Variants in LBP observed in about 807,000 individuals in gnomAD.
LBP encodes the protein lipopolysaccharide-binding protein.
A neutral mutation model predicts 56.6 loss-of-function variants in LBP; 53 were observed. The observed-to-expected ratio is 0.94, with a 90% confidence interval of 0.75 to 1.18. The LOEUF (loss-of-function observed/expected upper bound fraction) is 1.18. Ranked by LOEUF, LBP falls within the 50% of genes most tolerant of loss-of-function variation. The pLI, the probability that LBP is intolerant of heterozygous loss-of-function variation, is 0.00. For missense variants in LBP, 601 were observed against 598.3 expected, an observed-to-expected ratio of 1.00 and a Z score of -0.05; for synonymous variants, 227 against 247.5, an observed-to-expected ratio of 0.92 and a Z score of 0.78.
rs1326621621 is a variant in LBP, at chr20:38,352,038, T to TA, written c.368+1114dup. On this transcript the variant is annotated intron_variant, in intron 3 of 14. Coordinates refer to ENST00000217407, the MANE Select transcript of LBP (RefSeq NM_004139.5). ...GGGGGACAGAGCGAGACTCCATCTC[T>TA]AAAAAAAAAAAAAAAGAAAAAAGAA... is the stretch of plus-strand genomic sequence containing the variant. Among the ~76,000 whole-genome samples the TA allele has an allele frequency of 7.0e-3, 835 of 120,048 alleles. 5 individuals carry two copies. The highest frequency in any genetic ancestry group is 0.02 in the African/African-American group (652 of 32,222). 78.8% of individuals were successfully genotyped at this position (120,048 alleles called of 152,430 possible). A position where few individuals can be genotyped will look rare whatever the true frequency, so the allele number is the denominator to read the frequency against.
In LBP at chr20:38,349,652, G is replaced by A. The variant is rs751405961; in HGVS notation, c.229G>A (p.Glu77Lys). The A allele has an allele frequency of 1.2e-6, 2 of 1,602,920 alleles. No individual in the cohort carries two copies. The highest frequency in any genetic ancestry group is 2.2e-5 in the East Asian group (1 of 44,546). The change falls in exon 2 of 15, where the codon GAG (glutamate) becomes AAG (lysine). Residue 77 changes from glutamate (E) to lysine (K), a missense_variant. Glu to Lys is a moderately conservative substitution (Grantham distance 56, BLOSUM62 1). Transcript: ENST00000217407. ...RIPHVGRGRYEFHSLNIHSCE... is the reference protein window; with the variant it reads ...RIPHVGRGRYKFHSLNIHSCE... ...CCCCCACGTCGGCCGTGGGCGCTAT[G>A]AGTTCCACAGGTGGGGCTCTCCCTT...
chr20:38,366,661 G>C, intron 8 of LBP, 108 bp from the exon 9 acceptor site: 1 of 1,026,810 alleles, frequency 9.7e-7, no homozygotes, highest in Middle Eastern at 2.0e-4. Flanking sequence ...GGTAACCCAG[G>C]CTGTGGAGAA....
chr20:38,348,746 A>AAGTTTAGTTTAGTTTAGTTT (rs375624891), intron 1 of LBP, among the ~76,000 whole-genome samples: 187 of 137,140 alleles, frequency 1.4e-3, no homozygotes, highest in East Asian at 6.8e-3. Context: ...CCAATGAGGA[A>AAGTTTAGTTTAGTTTAGTTT]AGTTTAGTTT....
chr20:38,361,102 C>T (rs1404814896), intron 6 of LBP, among the ~76,000 whole-genome samples: 3 of 149,926 alleles, frequency 2.0e-5, no homozygotes, highest in African/African-American at 7.4e-5. Flanking sequence ...GTGGAGGTTG[C>T]AGTGAGCCAA....
intron 6 of LBP, among the ~76,000 whole-genome samples, chr20:38,363,732 G>GTGTGTGTT (rs1367363338): frequency 1.1e-4 from 16 of 152,128 alleles, no homozygotes; most frequent in African/African-American, 3.6e-4. Flanking sequence ...GTGTGTGTGT[G>GTGTGTGTT]TGTGTGCTTG....
rs545550026 is a variant in LBP at position 38,363,998 on chromosome 20, G to A, written c.676G>A (p.Ala226Thr). The A allele has an allele frequency of 3.0e-5, 48 of 1,613,600 alleles. No homozygotes were observed. Among genetic ancestry groups the A allele is most frequent in the Admixed American group, 5.0e-5 (3 of 59,974 alleles). The change falls in exon 7 of 15, where the codon GCC (alanine) becomes ACC (threonine). Residue 226 changes from alanine to threonine, a missense_variant. By Grantham distance (58) the Ala-to-Thr change is moderately conservative (BLOSUM62 0). Transcript: ENST00000217407. Reference sequence around the variant, plus strand: ...AGTTACAACAGAGATTGACAGTTTCGCCGACATTGATTATAGCTTAGTGGA... The same window carrying A: ...AGTTACAACAGAGATTGACAGTTTCACCGACATTGATTATAGCTTAGTGGA... The part of the protein sequence containing the change: ...LPVTTEIDSF[A>T]DIDYSLVEAP...
Position 38,373,997 on chromosome 20 carries a change from G to A in LBP, c.1385G>A (p.Gly462Glu). Residue 462 changes from glycine to glutamate, a missense_variant, in exon 14 of 15, where the codon GGG becomes GAG. Transcript: ENST00000217407. ...AAGCGTGTTCAGCTCTACGACCTTG[G>A]GCTGCAGATCCATAAGGTCGGTGGG... is the stretch of plus-strand genomic sequence containing the variant. ...LLKRVQLYDLGLQIHKDFLFL... is the reference protein window; with the variant it reads ...LLKRVQLYDLELQIHKDFLFL... The A allele has an allele frequency of 6.2e-7, 1 of 1,614,074 alleles. No individual in the cohort carries two copies. Among genetic ancestry groups the A allele is most frequent in the Non-Finnish European group, 8.5e-7 (1 of 1,179,966 alleles).
chr20:38,375,739 T>C (rs961360866), intron 14 of LBP, among the ~76,000 whole-genome samples: 1 of 152,164 alleles, frequency 6.6e-6, no homozygotes. Flanking sequence ...CAGGTTATCT[T>C]TTGAGGTGAG....
chr20:38,365,624 G>A lies in LBP; in HGVS notation c.921+872G>A, dbSNP rs1218658374. On this transcript the variant is annotated intron_variant, in intron 8 of 14. Coordinates refer to ENST00000217407, the MANE Select transcript of LBP (RefSeq NM_004139.5). ...AGGCAGGAGAATTGCTTGAGCCCAG[G>A]AGGCAGAGGTTGCAGTGAGCTGTGA... is the stretch of plus-strand genomic sequence containing the variant. Among the ~76,000 whole-genome samples the A allele has an allele frequency of 4.0e-5, 6 of 150,348 alleles. No homozygotes were observed. The East Asian group carries it at 1.2e-3, about 30-fold the overall frequency.
chr20:38,371,697 CA>C (rs1463265006), intron 12 of LBP, among the ~76,000 whole-genome samples: 2 of 152,188 alleles, frequency 1.3e-5, no homozygotes, highest in Non-Finnish European at 2.9e-5. Context: ...ATTAGTGCAT[CA>C]AGAATCTCTC....
chr20:38,363,349 T>A (rs1293885351), intron 6 of LBP, among the ~76,000 whole-genome samples: 1 of 152,202 alleles, frequency 6.6e-6, no homozygotes, highest in African/African-American at 2.4e-5. Context: ...AGTCCCCCAC[T>A]GATGGACATT....
At chr20:38,374,832 G>A in intron 14 of LBP, among the ~76,000 whole-genome samples, 1 of 142,370 alleles carries the variant, frequency 7.0e-6, no homozygotes, top group Non-Finnish European at 1.5e-5. Flanking sequence ...CACCCAGGCT[G>A]GAGTGCAGTG....
rs1229981292 is a variant in LBP at position 38,346,621 on chromosome 20, C to T, written c.105C>T (p.Thr35=). 8.1e-6 allele frequency: 13 copies of T among 1,613,526 alleles called. No homozygotes were observed. The Admixed American group carries it at 8.3e-5, about 10-fold the overall frequency. The change falls in exon 1 of 15, where the codon ACC becomes ACT. Residue 35 remains threonine, a synonymous_variant. Coordinates refer to ENST00000217407, the MANE Select transcript of LBP (RefSeq NM_004139.5). ...ACCCCGGCTTGGTCGCCAGGATCAC[C>T]GACAAGGGACTGCAGTATGGTAAGA... The part of the protein sequence containing the change: ...GANPGLVARI[T]DKGLQYAAQE...
chr20:38,371,161 C>T, intron 11 of LBP, 119 bp from the exon 12 acceptor site: 2 of 730,102 alleles, frequency 2.7e-6, no homozygotes, highest in East Asian at 2.5e-5. Context: ...CACTCCTGCT[C>T]CCGCCCTACC....
intron 11 of LBP, 21 bp downstream of exon 11, chr20:38,370,826 C>A: frequency 6.3e-7 from 1 of 1,596,380 alleles, no homozygotes; most frequent in Non-Finnish European, 8.6e-7. Flanking sequence ...CTCCTACCTA[C>A]ATGGGGGTGC....
At chr20:38,347,750 G>A (rs973364817) in intron 1 of LBP, among the ~76,000 whole-genome samples, 7 of 152,058 alleles carry the variant, frequency 4.6e-5, no homozygotes, top group Non-Finnish European at 8.8e-5. Flanking sequence ...TGCAGTTCCA[G>A]GACAAAAAGC....
rs184658969 is a variant in LBP at position 38,373,093 on chromosome 20, C to T, written c.1282C>T (p.Leu428Phe). The part of the protein sequence containing the change: ...LFNAELLEAL[L>F]NYYILNTFYP... ...CCAGGCAGAGCTGTTGGAAGCGCTC[C>T]TCAACTATTACATCCTTAACACCTT... The change falls in exon 13 of 15, where the codon CTC (leucine) becomes TTC (phenylalanine). Residue 428 changes from leucine (L) to phenylalanine (F), a missense_variant. Transcript: ENST00000217407. 5.6e-6 allele frequency: 9 copies of T among 1,614,022 alleles called. No individual in the cohort carries two copies. In the East Asian group the frequency reaches 8.9e-5, roughly 16 times the overall value.
At chr20:38,349,736 G>A (rs2076814034) in intron 2 of LBP, 74 bp downstream of exon 2, 10 of 1,102,712 alleles carry the variant, frequency 9.1e-6, no homozygotes, top group Non-Finnish European at 1.3e-5. Flanking sequence ...GAGTGAGGAA[G>A]AGAGAGCCTC....
In LBP at chr20:38,350,909, A is replaced by G. The variant is rs753750104; in HGVS notation, c.338A>G (p.Gln113Arg). ...ATCTCCGACTCCTCCATCCGGGTCC[A>G]GGGCAGGTGGAAGGTGCGCAAGTCA... is the stretch of plus-strand genomic sequence containing the variant. ...LSISDSSIRV[Q>R]GRWKVRKSFF... is the part of the protein sequence containing the mutation. Residue 113 changes from glutamine to arginine, a missense_variant, in exon 3 of 15, where the codon CAG becomes CGG. By Grantham distance (43) the Gln-to-Arg change is conservative. Coordinates refer to ENST00000217407, the MANE Select transcript of LBP (RefSeq NM_004139.5). 2 of 1,614,044 alleles carry G rather than the reference A, an allele frequency of 1.2e-6. No homozygotes were observed. Among genetic ancestry groups the G allele is most frequent in the East Asian group, 4.5e-5 (2 of 44,868 alleles).
Sources: allele counts gnomAD v4.1 joint callset (sites outside exome capture counted in the v4.1 genomes callset), GRCh38; gene constraint gnomAD v4.1.1; transcripts MANE v1.5; gene names NCBI Gene and HGNC (gene_info 2026-07-23, HGNC 2026-07-21).